Variants in ANKFN1 observed in about 807,000 individuals in gnomAD.
ANKFN1 encodes ankyrin repeat and fibronectin type III domain containing 1.
ANKFN1 carries 74 observed loss-of-function variants against 108.7 expected under a neutral mutation model. The ratio of observed to expected loss-of-function variants is 0.68; its 90% CI spans 0.56 to 0.83. The LOEUF (loss-of-function observed/expected upper bound fraction) is 0.83. Ranked by LOEUF, ANKFN1 falls within the 40% of genes least tolerant of loss-of-function variation. The pLI is 0.00. For synonymous variants in ANKFN1, 547 were observed against 516.2 expected, an observed-to-expected ratio of 1.06 and a Z score of -0.81; for missense variants, 1,505 against 1,382.3, an observed-to-expected ratio of 1.09 and a Z score of -1.41.
chr17:56,346,196 TGTA>T (rs1332503909), intron 4 of ANKFN1, among the ~76,000 whole-genome samples: 1 of 152,114 alleles, frequency 6.6e-6, no homozygotes, highest in Non-Finnish European at 1.5e-5. Flanking sequence ...ATCAGATGGT[TGTA>T]AATGTGTGGT....
chr17:56,358,105 C>T (rs576687101), intron 6 of ANKFN1, among the ~76,000 whole-genome samples: 6 of 152,150 alleles, frequency 3.9e-5, no homozygotes, highest in Non-Finnish European at 8.8e-5. Flanking sequence ...TCTCCATCTG[C>T]TCCTCTTCTA....
At chr17:56,357,426 G>A (rs1338267317) in intron 6 of ANKFN1, among the ~76,000 whole-genome samples, 1 of 152,204 alleles carries the variant, frequency 6.6e-6, no homozygotes, top group Non-Finnish European at 1.5e-5. Flanking sequence ...CGGATCTGTA[G>A]GATGCCAACA....
intron 1 of ANKFN1, chr17:56,174,418 T>C: frequency 1.0e-6 from 1 of 985,250 alleles, no homozygotes; most frequent in Non-Finnish European, 1.2e-6. Context: ...TTCCAAATCT[T>C]CCAAGCAGTG....
chr17:56,431,279 C>G (rs771795271), intron 8 of ANKFN1, among the ~76,000 whole-genome samples: 7 of 152,112 alleles, frequency 4.6e-5, no homozygotes, highest in Admixed American at 6.6e-5. Context: ...TGACCTAGCC[C>G]ATCTTTCAGG....
Position 56,400,172 on chromosome 17 carries a change from T to C in ANKFN1, c.910+25458T>C, listed in dbSNP as rs143562362. Among the ~76,000 whole-genome samples, 258 of 152,166 alleles carry C rather than the reference T, an allele frequency of 1.7e-3. 4 individuals carry two copies. The East Asian group carries it at 0.029, about 17-fold the overall frequency. On this transcript the variant is annotated intron_variant, in intron 8 of 20. Transcript: ENST00000682825. ...TAAGGAATCTCCACATTGTTTTCCATAGTGGCTGTACTAGTTTACATTCCC... is the reference window on the plus strand; with the variant it reads ...TAAGGAATCTCCACATTGTTTTCCACAGTGGCTGTACTAGTTTACATTCCC...
intron 20 of ANKFN1, among the ~76,000 whole-genome samples, chr17:56,506,617 A>C (rs970246434): frequency 1.3e-5 from 2 of 151,434 alleles, no homozygotes; most frequent in African/African-American, 2.4e-5. Flanking sequence ...AGTATGTGGT[A>C]ATTTGTTCCA....
At chr17:56,474,747 C>G (rs1033059772) in intron 15 of ANKFN1, among the ~76,000 whole-genome samples, 2 of 152,102 alleles carry the variant, frequency 1.3e-5, no homozygotes, top group African/African-American at 2.4e-5. Context: ...AATTTCTCTT[C>G]CTTTGATTAG....
intron 4 of ANKFN1, among the ~76,000 whole-genome samples, chr17:56,133,073 C>A (rs991595841): frequency 6.6e-6 from 1 of 152,136 alleles, no homozygotes; most frequent in African/African-American, 2.4e-5. Flanking sequence ...TAAAAAATAA[C>A]CATTCAGGCT....
At chr17:56,398,415 T>A (rs1338295277) in intron 8 of ANKFN1, among the ~76,000 whole-genome samples, 1 of 152,202 alleles carries the variant, frequency 6.6e-6, no homozygotes, top group Non-Finnish European at 1.5e-5. Context: ...CCCTACCTCC[T>A]TGCTAACTAT....
At chr17:56,331,812 T>G (rs2045670749) in intron 4 of ANKFN1, among the ~76,000 whole-genome samples, 1 of 152,058 alleles carries the variant, frequency 6.6e-6, no homozygotes, top group Admixed American at 6.6e-5. Flanking sequence ...CAATTGCAAA[T>G]TATCTATTGG....
At chr17:56,471,949 T>G (rs2050331248) in intron 15 of ANKFN1, 1 of 152,210 alleles carries the variant, frequency 6.6e-6, no homozygotes, top group Admixed American at 6.5e-5. Flanking sequence ...ATGAAAATGG[T>G]CTGGCATTAG....
chr17:56,362,854 A>G (rs1402930207), intron 6 of ANKFN1, among the ~76,000 whole-genome samples: 3 of 152,202 alleles, frequency 2.0e-5, no homozygotes, highest in African/African-American at 7.2e-5. Flanking sequence ...ACATCCAATA[A>G]GGGGTTAATG....
At chr17:56,371,140 G>A (rs978863678) in intron 6 of ANKFN1, among the ~76,000 whole-genome samples, 1 of 151,832 alleles carries the variant, frequency 6.6e-6, no homozygotes, top group Non-Finnish European at 1.5e-5. Context: ...CATGACTGAG[G>A]CTTTTAAAAA....
At chr17:56,391,407 TGTG>T in intron 8 of ANKFN1, among the ~76,000 whole-genome samples, 1 of 143,758 alleles carries the variant, frequency 7.0e-6, no homozygotes. Context: ...TGTGTGTGTG[TGTG>T]TACATATATA....
intron 4 of ANKFN1, among the ~76,000 whole-genome samples, chr17:56,057,119 T>C (rs544599265): frequency 1.3e-5 from 2 of 152,320 alleles, no homozygotes; most frequent in African/African-American, 4.8e-5. Context: ...CCTCATCTAC[T>C]CAAGATTTAT....
chr17:56,107,291 G>A (rs1386668382), intron 4 of ANKFN1, among the ~76,000 whole-genome samples: 1 of 152,136 alleles, frequency 6.6e-6, no homozygotes, highest in Non-Finnish European at 1.5e-5. Flanking sequence ...ATGGAGACCA[G>A]GAATTCTGCC....
chr17:56,318,408 T>A (rs371039002), intron 3 of ANKFN1, among the ~76,000 whole-genome samples: 1 of 152,218 alleles, frequency 6.6e-6, no homozygotes, highest in Non-Finnish European at 1.5e-5. Flanking sequence ...CTCTGAGTTC[T>A]CTTTAATTCT....
At position 56,326,234 on chromosome 17, in the gene ANKFN1, T is replaced by C; in HGVS notation, c.67T>C (p.Phe23Leu). ...TTCTTTACACAGAATAGGAAGGAGA[T>C]TCGCTTGCTTTGCACAGAGGCTGAG... ...FTCSKIIGRR[F>L]ACFAQRLSHR... Residue 23 changes from phenylalanine (F) to leucine (L), a missense_variant, in exon 4 of 21, where the codon TTC (phenylalanine) becomes CTC (leucine). Physicochemically the swap from Phe to Leu is conservative, Grantham distance 22 (BLOSUM62 0). Transcript: ENST00000682825. 6.2e-7 allele frequency: 1 copy of C among 1,612,642 alleles called. No homozygotes were observed. The highest frequency in any genetic ancestry group is 8.5e-7 in the Non-Finnish European group (1 of 1,179,408).
intron 3 of ANKFN1, among the ~76,000 whole-genome samples, chr17:56,310,622 A>C (rs925158416): frequency 6.6e-6 from 1 of 151,980 alleles, no homozygotes; most frequent in Non-Finnish European, 1.5e-5. Flanking sequence ...ATCTCAAAAA[A>C]AAAAAAGAAA....
Sources: allele counts gnomAD v4.1 joint callset (sites outside exome capture counted in the v4.1 genomes callset), GRCh38; gene constraint gnomAD v4.1.1; transcripts MANE v1.5; gene names NCBI Gene and HGNC (gene_info 2026-07-23, HGNC 2026-07-21).